RADIL: variants seen among roughly 807,000 people sequenced by gnomAD.
RADIL encodes ras-associating and dilute domain-containing protein.
RADIL carries 99 observed loss-of-function variants against 97.6 expected under a neutral mutation model. That is an observed-to-expected ratio of 1.01 (90% CI 0.86 to 1.20). RADIL has a LOEUF of 1.20. Among genes scored for constraint, RADIL ranks in the 50% most tolerant of loss-of-function variants. The pLI, the probability that RADIL is intolerant of heterozygous loss-of-function variation, is 0.00. For synonymous variants in RADIL, 803 were observed against 691.8 expected, an observed-to-expected ratio of 1.16 and a Z score of -2.52; for missense variants, 1,765 against 1,498.9, an observed-to-expected ratio of 1.18 and a Z score of -2.93.
chr7:4,829,474 C>T (rs541044359), intron 5 of RADIL, among the ~76,000 whole-genome samples: 11 of 152,314 alleles, frequency 7.2e-5, no homozygotes, highest in Admixed American at 2.0e-4. Context: ...GTCCCTCCTA[C>T]CTTTGAAAGA....
At chr7:4,800,014 G>A (rs747430483) in intron 13 of RADIL, among the ~76,000 whole-genome samples, 157 bp downstream of exon 13, 3 of 152,224 alleles carry the variant, frequency 2.0e-5, no homozygotes, top group Non-Finnish European at 4.4e-5. Context: ...CCGTTGGACA[G>A]GCTGGGTTCC....
rs114773610 is a variant in RADIL at position 4,833,503 on chromosome 7, A to G, written c.1416+1104T>C. Among the ~76,000 whole-genome samples the G allele has an allele frequency of 9.1e-3, 1,381 of 152,326 alleles. 28 individuals carry two copies. The highest frequency in any genetic ancestry group is 0.031 in the African/African-American group (1,309 of 41,570). On this transcript the variant is annotated intron_variant, in intron 4 of 14. Transcript: ENST00000399583. ...AGCCGGGAACCCGAGGGGAAGAGGC[A>G]CGGACACCCAGATTACAACACCCAC...
chr7:4,876,714 G>A (rs887660668), intron 2 of RADIL, among the ~76,000 whole-genome samples: 5 of 152,342 alleles, frequency 3.3e-5, no homozygotes, highest in Middle Eastern at 6.8e-3. Flanking sequence ...CTCTGCGGCA[G>A]GCACTCAACG....
rs1415050219 is a variant in RADIL, at chr7:4,834,804, G to C, written c.1219C>G (p.Leu407Val). ...TCCTCCAGGTGGGGCTCAAACTCCA[G>C]GAGCAGCTGCTGGCGCCGGGGCAGG... is the stretch of plus-strand genomic sequence containing the variant. ...AALPRRQQLL[L>V]EFEPHLEDTL... Residue 407 changes from leucine to valine, a missense_variant, in exon 4 of 15, where the codon CTG becomes GTG. Physicochemically the swap from Leu to Val is conservative, Grantham distance 32. Coordinates refer to ENST00000399583, the MANE Select transcript of RADIL (RefSeq NM_018059.5). This position sits in a 1 kb window ranked among gnomAD's most constrained non-coding sequence, Gnocchi z 6.0. 1.5e-6 allele frequency: 2 copies of C among 1,336,268 alleles called. No homozygotes were observed. Among genetic ancestry groups the C allele is most frequent in the Non-Finnish European group, 1.9e-6 (2 of 1,039,102 alleles). The allele number at this position is 1,336,268 out of a possible 1,614,324, so 82.8% of individuals were successfully genotyped here.
intron 2 of RADIL, chr7:4,861,282 G>C (rs1232353624): frequency 1.9e-6 from 3 of 1,614,010 alleles, no homozygotes; most frequent in African/African-American, 2.7e-5. Context: ...GGAATAGTCT[G>C]TAGTGCTAAT....
intron 2 of RADIL, among the ~76,000 whole-genome samples, chr7:4,843,911 CAAAA>C (rs36122253): frequency 1.7e-3 from 166 of 97,644 alleles, no homozygotes; most frequent in South Asian, 2.3e-3. Context: ...GACTCCATTT[CAAAA>C]AAAAAAAAAA....
At chr7:4,830,989 C>T (rs1399219018) in intron 5 of RADIL, among the ~76,000 whole-genome samples, 3 of 151,182 alleles carry the variant, frequency 2.0e-5, no homozygotes, top group African/African-American at 7.3e-5. Context: ...CCATAGCACT[C>T]TAGCCTGGGC....
rs78892530 is a variant in RADIL at position 4,801,658 on chromosome 7, G to A, written c.2837C>T (p.Pro946Leu). Residue 946 changes from proline (P) to leucine (L), a missense_variant, in exon 12 of 15, where the codon CCG becomes CTG. Pro to Leu is a moderately conservative substitution (Grantham distance 98). Transcript: ENST00000399583. ...GAGCACCAGGCAGGGCTCACCTTCCGGAGCTGCACCCCGGAGGCCGCTGAG... is the reference window on the plus strand; with the variant it reads ...GAGCACCAGGCAGGGCTCACCTTCCAGAGCTGCACCCCGGAGGCCGCTGAG... ...NGLSGLRGAA[P>L]EGDSAALAEE... 4.6e-3 allele frequency: 7,349 copies of A among 1,596,160 alleles called. 261 individuals are homozygous for A. In the African/African-American group the frequency reaches 0.082, roughly 18 times the overall value.
rs1296408680 is a variant in RADIL, at chr7:4,867,305, CT to C, written c.535+10299del. Among the ~76,000 whole-genome samples the C allele has an allele frequency of 6.6e-6, 1 of 152,164 alleles. No individual in the cohort carries two copies. The highest frequency in any genetic ancestry group is 1.5e-5 in the Non-Finnish European group (1 of 68,036). On this transcript the variant is annotated intron_variant, in intron 2 of 14. Coordinates refer to ENST00000399583, the MANE Select transcript of RADIL (RefSeq NM_018059.5). This position sits in a 1 kb window ranked among gnomAD's most constrained non-coding sequence, Gnocchi z 4.1. ...AGCAGCTCCGTTCCTGGAAGAATGC[CT>C]CCGAGAACTCTGCACAAGCCCTCAA...
rs974817718 is a variant in RADIL at position 4,834,806 on chromosome 7, A to G, written c.1217T>C (p.Leu406Pro). The G allele has an allele frequency of 7.5e-7, 1 of 1,333,636 alleles. No individual in the cohort carries two copies. The highest frequency in any genetic ancestry group is 9.6e-7 in the Non-Finnish European group (1 of 1,037,678). 82.6% of individuals were successfully genotyped at this position (1,333,636 alleles called of 1,614,324 possible). A position where few individuals can be genotyped will look rare whatever the true frequency, so the allele number is the denominator to read the frequency against. The change falls in exon 4 of 15, where the codon CTC (leucine) becomes CCC (proline). Residue 406 changes from leucine (L) to proline (P), a missense_variant. Physicochemically the swap from Leu to Pro is moderately conservative, Grantham distance 98 (BLOSUM62 -3). Transcript: ENST00000399583. This position sits in a 1 kb window ranked among gnomAD's most constrained non-coding sequence, Gnocchi z 6.0. ...CTCCAGGTGGGGCTCAAACTCCAGG[A>G]GCAGCTGCTGGCGCCGGGGCAGGGC... ...QAALPRRQQL[L>P]LEFEPHLEDT...
Position 4,799,676 on chromosome 7 carries a change from T to C in RADIL, c.3076A>G (p.Ile1026Val), listed in dbSNP as rs548349503. The change falls in exon 14 of 15, where the codon ATC (isoleucine) becomes GTC (valine). Residue 1026 changes from isoleucine to valine, a missense_variant. By Grantham distance (29) the Ile-to-Val change is conservative. Coordinates refer to ENST00000399583, the MANE Select transcript of RADIL (RefSeq NM_018059.5). The part of the protein sequence containing the change: ...ADGRLSLGDR[I>V]LEVNGSSLLG... ...AGGCTGCTGCCATTCACCTCCAGGATACGGTCCCCCAGCGACAGGCGCCCG... is the reference window on the plus strand; with the variant it reads ...AGGCTGCTGCCATTCACCTCCAGGACACGGTCCCCCAGCGACAGGCGCCCG... 8 of 1,593,848 alleles carry C rather than the reference T, an allele frequency of 5.0e-6. No homozygotes were observed. Among genetic ancestry groups the C allele is most frequent in the Non-Finnish European group, 6.8e-6 (8 of 1,171,434 alleles).
intron 11 of RADIL, among the ~76,000 whole-genome samples, chr7:4,803,054 T>C (rs28412797): frequency 1.2e-3 from 35 of 29,538 alleles, no homozygotes; most frequent in Admixed American, 3.0e-3. Context: ...CCTCCCCGGG[T>C]ACCTCGGGGC....
At chr7:4,810,323 T>A (rs1226231289) in intron 9 of RADIL, among the ~76,000 whole-genome samples, 1 of 151,652 alleles carries the variant, frequency 6.6e-6, no homozygotes, top group African/African-American at 2.4e-5. Flanking sequence ...CTGGCTAATT[T>A]AAAAAAAAAT....
chr7:4,866,779 T>G (rs1291167300), intron 2 of RADIL, among the ~76,000 whole-genome samples: 1 of 152,188 alleles, frequency 6.6e-6, no homozygotes, highest in African/African-American at 2.4e-5. Context: ...CTAAAACTCA[T>G]GTTGGAATTT....
At chr7:4,831,857 C>T (rs866683452) in intron 5 of RADIL, among the ~76,000 whole-genome samples, 3 of 152,046 alleles carry the variant, frequency 2.0e-5, no homozygotes, top group South Asian at 4.2e-4. Flanking sequence ...CACTGCACTC[C>T]AGCCTGGCGA....
intron 2 of RADIL, among the ~76,000 whole-genome samples, chr7:4,845,472 T>C (rs1783544146): frequency 6.6e-6 from 1 of 152,102 alleles, no homozygotes; most frequent in African/African-American, 2.4e-5. Context: ...CAGAATCCCA[T>C]CTCTAATCGA....
At chr7:4,830,172 T>C (rs1039710081) in intron 5 of RADIL, among the ~76,000 whole-genome samples, 1 of 152,240 alleles carries the variant, frequency 6.6e-6, no homozygotes, top group Non-Finnish European at 1.5e-5. Flanking sequence ...TCACAGACAC[T>C]GTGCTAGGTG....
At chr7:4,866,646 C>G (rs1479002123) in intron 2 of RADIL, among the ~76,000 whole-genome samples, 1 of 152,138 alleles carries the variant, frequency 6.6e-6, no homozygotes, top group East Asian at 1.9e-4. Flanking sequence ...CTATAACACT[C>G]CACTCCACTG....
At chr7:4,874,482 C>A (rs1347429403) in intron 2 of RADIL, among the ~76,000 whole-genome samples, 2 of 152,200 alleles carry the variant, frequency 1.3e-5, no homozygotes, top group African/African-American at 4.8e-5. Context: ...TCAAACCACC[C>A]GGCCGCCTCA....
Sources: allele counts gnomAD v4.1 joint callset (sites outside exome capture counted in the v4.1 genomes callset), GRCh38; gene constraint gnomAD v4.1.1; non-coding constraint Gnocchi (gnomAD v3.1); transcripts MANE v1.5; gene names NCBI Gene and HGNC (gene_info 2026-07-23, HGNC 2026-07-21).